The following BEND5 variants were observed in gnomAD, a reference collection of about 807,000 sequenced individuals.
BEND5 encodes BEN domain containing 5.
In BEND5, 22 loss-of-function variants were observed where a neutral mutation model predicts 43.9. The ratio of observed to expected loss-of-function variants is 0.50; its 90% CI spans 0.36 to 0.72. The LOEUF (loss-of-function observed/expected upper bound fraction) is 0.72. BEND5 is among the 30% of genes least tolerant of loss of function. The pLI is 0.00. For missense variants in BEND5, 428 were observed against 550.6 expected (o/e 0.78, Z 2.23); for synonymous variants, 228 against 225.9 (o/e 1.01, Z -0.08).
At chr1:48,758,500 T>G (rs1217754540) in intron 3 of BEND5, among the ~76,000 whole-genome samples, 1 of 152,242 alleles carries the variant, frequency 6.6e-6, no homozygotes, top group African/African-American at 2.4e-5. Flanking sequence ...CTTTGGCATT[T>G]ATCACTTTCT....
chr1:48,768,431 T>C (rs1570599159), intron 1 of BEND5, among the ~76,000 whole-genome samples: 1 of 152,168 alleles, frequency 6.6e-6, no homozygotes, highest in East Asian at 1.9e-4. Context: ...TTCAAAAATA[T>C]AGAAGAACTT....
At chr1:48,754,242 T>C (rs1348401748) in intron 3 of BEND5, among the ~76,000 whole-genome samples, 1 of 152,162 alleles carries the variant, frequency 6.6e-6, no homozygotes, top group East Asian at 1.9e-4. Flanking sequence ...TTCTCACACA[T>C]GGGGGCTTAC....
chr1:48,769,826 G>T (rs1010299462), intron 1 of BEND5, among the ~76,000 whole-genome samples: 1 of 152,158 alleles, frequency 6.6e-6, no homozygotes, highest in African/African-American at 2.4e-5. Context: ...GGAACTCAGA[G>T]ATGTGAAGTA....
intron 4 of BEND5, among the ~76,000 whole-genome samples, chr1:48,742,298 G>A (rs1025822912): frequency 1.3e-5 from 2 of 152,072 alleles, no homozygotes; most frequent in Non-Finnish European, 2.9e-5. Context: ...AGGAAGGTGG[G>A]ACAAGTTTCA....
chr1:48,768,745 C>T (rs1243245409), intron 1 of BEND5, among the ~76,000 whole-genome samples: 1 of 152,190 alleles, frequency 6.6e-6, no homozygotes. Flanking sequence ...AAAGGCTACA[C>T]ATAAAATGCT....
At chr1:48,757,593 T>C (rs142702451) in intron 3 of BEND5, among the ~76,000 whole-genome samples, 92 of 152,236 alleles carry the variant, frequency 6.0e-4, no homozygotes, top group African/African-American at 2.0e-3. Flanking sequence ...TCCTTTTCTA[T>C]GACAAGGGCA....
chr1:48,758,980 C>T lies in BEND5; in HGVS notation c.665G>A (p.Gly222Glu), dbSNP rs973740518. Residue 222 changes from glycine (G) to glutamate (E), a missense_variant, in exon 3 of 6, where the codon GGG (glycine) becomes GAG (glutamate). This residue lies in a region of BEND5 where 243 missense variants were observed against 286.4 expected (regional missense o/e 0.85). Coordinates refer to ENST00000371833, the MANE Select transcript of BEND5 (RefSeq NM_024603.4). Reference sequence around the variant, plus strand: ...CTCCTTCATTTCAGACACAAGTGCCCCGTACTCCTTGAGCTTCTTGGCCTG... The same window carrying T: ...CTCCTTCATTTCAGACACAAGTGCCTCGTACTCCTTGAGCTTCTTGGCCTG... ...VQQAKKLKEY[G>E]ALVSEMKELR... 2.5e-6 allele frequency: 4 copies of T among 1,613,242 alleles called. No homozygotes were observed. In the South Asian group the frequency reaches 4.4e-5, roughly 18 times the overall value.
At chr1:48,769,842 CCCAAAG>C (rs1272428648) in intron 1 of BEND5, among the ~76,000 whole-genome samples, 7 of 152,176 alleles carry the variant, frequency 4.6e-5, no homozygotes, top group Admixed American at 3.9e-4. Context: ...AAGTAATCTC[CCCAAAG>C]CCACACAGCT....
intron 1 of BEND5, among the ~76,000 whole-genome samples, chr1:48,770,938 C>T (rs1644793415): frequency 6.6e-6 from 1 of 152,206 alleles, no homozygotes; most frequent in Admixed American, 6.5e-5. Context: ...TGTGGGAAGA[C>T]TTAGCCCACT....
Position 48,760,458 on chromosome 1 carries a change from G to A in BEND5, c.360+879C>T, listed in dbSNP as rs560229424. ...TGATATTGTGTTACATGACAAAATC[G>A]TAAGTCGTTTTATCTGCTGAGATAA... On this transcript the variant is annotated intron_variant, in intron 2 of 5. Transcript: ENST00000371833. Among the ~76,000 whole-genome samples the A allele has an allele frequency of 3.9e-4, 59 of 152,276 alleles. 1 individual carries two copies. Among genetic ancestry groups the A allele is most frequent in the Non-Finnish European group, 6.5e-4 (44 of 68,020 alleles).
rs1644090412 is a variant in BEND5, at chr1:48,758,782, C to T, written c.745+118G>A. 4.5e-6 allele frequency: 4 copies of T among 886,964 alleles called. No individual in the cohort carries two copies. The Admixed American group carries it at 1.1e-4, about 24-fold the overall frequency. 54.9% of individuals were successfully genotyped at this position (886,964 alleles called of 1,614,324 possible). On this transcript the variant is annotated intron_variant, in intron 3 of 5. Coordinates refer to ENST00000371833, the MANE Select transcript of BEND5 (RefSeq NM_024603.4). ...TTGAGGTAACTGGTAAGCCAAGAGT[C>T]TGTCCTTCCCTAGCCTCAGGGCACT...
At chr1:48,754,839 C>G (rs1301081910) in intron 3 of BEND5, among the ~76,000 whole-genome samples, 1 of 152,030 alleles carries the variant, frequency 6.6e-6, no homozygotes, top group Non-Finnish European at 1.5e-5. Flanking sequence ...AAAATGAAGT[C>G]TAAGAGCTAA....
chr1:48,743,664 G>A (rs552228274), intron 3 of BEND5, among the ~76,000 whole-genome samples: 20 of 152,308 alleles, frequency 1.3e-4, no homozygotes, highest in African/African-American at 4.6e-4. Context: ...AGCTCCCTCT[G>A]TCTGTGCATG....
rs1330687610 is a variant in BEND5, at chr1:48,759,568, T to C, written c.361-284A>G. 2.6e-5 allele frequency among the ~76,000 whole-genome samples: 4 copies of C among 152,340 alleles called. No individual in the cohort carries two copies. In the East Asian group the frequency reaches 7.7e-4, roughly 29 times the overall value. On this transcript the variant is annotated intron_variant, in intron 2 of 5. Transcript: ENST00000371833. ...TTTTCCTTTTCACCACTCTGCCTCC[T>C]GGATGCATATACCATGACCACCCTT...
intron 3 of BEND5, among the ~76,000 whole-genome samples, chr1:48,754,665 C>T (rs183323032): frequency 1.2e-3 from 176 of 152,258 alleles, no homozygotes; most frequent in African/African-American, 4.1e-3. Context: ...ATTACATATG[C>T]TTCCTTATTT....
intron 5 of BEND5, among the ~76,000 whole-genome samples, chr1:48,732,039 A>G (rs557275100): frequency 6.6e-6 from 1 of 152,308 alleles, no homozygotes; most frequent in Non-Finnish European, 1.5e-5. Flanking sequence ...TGGAAAAAGT[A>G]GAGAAACTTT....
At chr1:48,759,490 G>C in intron 2 of BEND5, 1 of 1,036,356 alleles carries the variant, frequency 9.6e-7, no homozygotes. Flanking sequence ...TCCGAGTGGG[G>C]AAGGGGCTTG....
intron 1 of BEND5, among the ~76,000 whole-genome samples, chr1:48,763,496 A>G (rs1007484611): frequency 1.7e-4 from 26 of 152,018 alleles, no homozygotes; most frequent in Non-Finnish European, 3.5e-4. Flanking sequence ...GTGTGTGTGA[A>G]AAAAACAGAC....
At chr1:48,743,165 C>T (rs984908275) in intron 3 of BEND5, among the ~76,000 whole-genome samples, 1 of 152,146 alleles carries the variant, frequency 6.6e-6, no homozygotes, top group South Asian at 2.1e-4. Flanking sequence ...CAGTATCTTA[C>T]AGTGGAGAAG....
Sources: allele counts gnomAD v4.1 joint callset (sites outside exome capture counted in the v4.1 genomes callset), GRCh38; gene constraint gnomAD v4.1.1; regional missense constraint gnomAD v4.1.1; transcripts MANE v1.5; gene names NCBI Gene and HGNC (gene_info 2026-07-23, HGNC 2026-07-21).